Variants in RAB28 observed in about 807,000 individuals in gnomAD.
RAB28 encodes the protein ras-related protein Rab-28.
In RAB28, 24 loss-of-function variants were observed where a neutral mutation model predicts 31.7. The ratio of observed to expected loss-of-function variants is 0.76; its 90% CI spans 0.55 to 1.06. RAB28 has a LOEUF of 1.06. Among genes scored for constraint, RAB28 ranks in the 50% least tolerant of loss-of-function variants. RAB28 has a pLI of 0.00. For missense variants in RAB28, 254 were observed against 258.5 expected (o/e 0.98, Z 0.12); for synonymous variants, 100 against 90.4 (o/e 1.11, Z -0.60).
intron 5 of RAB28, among the ~76,000 whole-genome samples, chr4:13,377,079 T>A (rs569575404): frequency 6.6e-6 from 1 of 152,314 alleles, no homozygotes; most frequent in Non-Finnish European, 1.5e-5. Flanking sequence ...TTTAATACTC[T>A]CTGTGCCTTT....
chr4:13,394,349 G>A (rs950573504), intron 4 of RAB28, among the ~76,000 whole-genome samples: 51 of 152,032 alleles, frequency 3.4e-4, no homozygotes, highest in African/African-American at 1.2e-3. Flanking sequence ...TTTTCATAAG[G>A]AACACACAAC....
chr4:13,374,175 A>G (rs1728831940), intron 6 of RAB28, among the ~76,000 whole-genome samples: 1 of 152,166 alleles, frequency 6.6e-6, no homozygotes, highest in Admixed American at 6.6e-5. Context: ...AGAGTGCTGC[A>G]GTAACTTGAA....
chr4:13,373,837 T>A (rs1160370912), intron 6 of RAB28, among the ~76,000 whole-genome samples: 1 of 152,048 alleles, frequency 6.6e-6, no homozygotes, highest in Non-Finnish European at 1.5e-5. Context: ...TTTAACTCCT[T>A]CTCTATAGAA....
chr4:13,467,954 GAA>G (rs1715941036), intron 3 of RAB28, among the ~76,000 whole-genome samples: 1 of 151,898 alleles, frequency 6.6e-6, no homozygotes, highest in Non-Finnish European at 1.5e-5. Context: ...AAACATTAAT[GAA>G]AAGAAAGCTG....
intron 4 of RAB28, among the ~76,000 whole-genome samples, chr4:13,439,850 T>C (rs1714322646): frequency 6.6e-6 from 1 of 152,198 alleles, no homozygotes; most frequent in Non-Finnish European, 1.5e-5. Flanking sequence ...CCTAGTACCA[T>C]AATGCCCTCA....
In RAB28 at chr4:13,370,528, C is replaced by G. The variant is rs896007093; in HGVS notation, c.574-1878G>C. On this transcript the variant is annotated intron_variant, in intron 6 of 6. Transcript: ENST00000330852. Reference sequence around the variant, plus strand: ...ATTGCCATACAAGTTAAACACTTAACTAGTGGACTTATAATATGCTGTGGG... The same window carrying G: ...ATTGCCATACAAGTTAAACACTTAAGTAGTGGACTTATAATATGCTGTGGG... 5 of 871,920 alleles carry G rather than the reference C, an allele frequency of 5.7e-6. No individual in the cohort carries two copies. The Admixed American group carries it at 2.5e-4, about 43-fold the overall frequency. The allele number at this position is 871,920 out of a possible 1,614,324, so 54.0% of individuals were successfully genotyped here. A position where few individuals can be genotyped will look rare whatever the true frequency, so the allele number is the denominator to read the frequency against.
intron 4 of RAB28, among the ~76,000 whole-genome samples, chr4:13,401,683 C>G (rs1030230077): frequency 1.3e-5 from 2 of 151,982 alleles, no homozygotes; most frequent in Non-Finnish European, 2.9e-5. Flanking sequence ...TTTGTATGTT[C>G]TCTCTTTTTT....
At chr4:13,472,893 G>GA (rs1716186066) in intron 3 of RAB28, among the ~76,000 whole-genome samples, 1 of 151,856 alleles carries the variant, frequency 6.6e-6, no homozygotes, top group Non-Finnish European at 1.5e-5. Flanking sequence ...CTTTTTAAGA[G>GA]AAAAATGAAC....
Position 13,476,134 on chromosome 4 carries a change from A to T in RAB28, c.173-1728T>A, listed in dbSNP as rs538920597. Among the ~76,000 whole-genome samples the T allele has an allele frequency of 4.5e-4, 68 of 151,630 alleles. 1 individual carries two copies. The Middle Eastern group carries it at 0.024, about 53-fold the overall frequency. On this transcript the variant is annotated intron_variant, in intron 2 of 6. Coordinates refer to ENST00000330852, the MANE Select transcript of RAB28 (RefSeq NM_001017979.3). ...CTTAACCTCACATCAAGAAATATAAAGCTTTTTTAAGTTCTGATATTCAGA... is the reference window on the plus strand; with the variant it reads ...CTTAACCTCACATCAAGAAATATAATGCTTTTTTAAGTTCTGATATTCAGA...
intron 3 of RAB28, among the ~76,000 whole-genome samples, chr4:13,462,779 C>T (rs766686821): frequency 1.6e-4 from 25 of 152,274 alleles, no homozygotes; most frequent in African/African-American, 3.4e-4. Context: ...TCTTCCAAGA[C>T]GCTTTGAAAT....
At chr4:13,447,466 A>G (rs568003829) in intron 4 of RAB28, among the ~76,000 whole-genome samples, 1 of 151,672 alleles carries the variant, frequency 6.6e-6, no homozygotes, top group Non-Finnish European at 1.5e-5. Context: ...TTTCTGTTAT[A>G]AAAAAAAGAG....
chr4:13,389,986 T>G (rs1729554111), intron 4 of RAB28, among the ~76,000 whole-genome samples: 1 of 152,194 alleles, frequency 6.6e-6, no homozygotes, highest in South Asian at 2.1e-4. Flanking sequence ...GCATTCCCTT[T>G]GAAAACTGGC....
chr4:13,479,202 G>C (rs1356343551), intron 2 of RAB28, among the ~76,000 whole-genome samples: 2 of 151,548 alleles, frequency 1.3e-5, no homozygotes, highest in Non-Finnish European at 3.0e-5. Flanking sequence ...ATGTATAGTA[G>C]CCAAAAACAG....
At chr4:13,406,005 A>T (rs1433035711) in intron 4 of RAB28, among the ~76,000 whole-genome samples, 1 of 152,194 alleles carries the variant, frequency 6.6e-6, no homozygotes, top group African/African-American at 2.4e-5. Flanking sequence ...GAACCTTTTT[A>T]AAATTATTAT....
chr4:13,368,696 T>C (rs780160690), intron 6 of RAB28, 46 bp from the exon 7 acceptor site: 2 of 1,499,888 alleles, frequency 1.3e-6, no homozygotes, highest in South Asian at 2.3e-5. Flanking sequence ...TCAGAACATT[T>C]AGAAAGAGCT....
chr4:13,462,886 G>A (rs7340940), intron 3 of RAB28, among the ~76,000 whole-genome samples: 1 of 152,012 alleles, frequency 6.6e-6, no homozygotes, highest in Non-Finnish European at 1.5e-5. Context: ...TAATCTTCAA[G>A]CTACTGGCCC....
chr4:13,470,541 G>C (rs568438629), intron 3 of RAB28, among the ~76,000 whole-genome samples: 2 of 152,108 alleles, frequency 1.3e-5, no homozygotes, highest in East Asian at 3.9e-4. Flanking sequence ...ACTTCATTGA[G>C]TTTATGCTCA....
At chr4:13,383,878 C>T (rs989077367) in intron 4 of RAB28, among the ~76,000 whole-genome samples, 2 of 152,218 alleles carry the variant, frequency 1.3e-5, no homozygotes, top group African/African-American at 4.8e-5. Context: ...GCCTATCACA[C>T]AGGGCTAGTC....
At chr4:13,399,923 A>G (rs1711648326) in intron 4 of RAB28, among the ~76,000 whole-genome samples, 2 of 152,194 alleles carry the variant, frequency 1.3e-5, no homozygotes, top group Admixed American at 1.3e-4. Flanking sequence ...AAATTTAGCA[A>G]TTATGTATTG....
Sources: gnomAD v4.1 joint callset for allele counts (sites outside exome capture counted in the v4.1 genomes callset) on GRCh38, gnomAD v4.1.1 for gene constraint, MANE v1.5 for transcripts, NCBI Gene and HGNC (gene_info 2026-07-23, HGNC 2026-07-21) for gene names.